The following ADGB variants were observed in gnomAD, a reference collection of about 807,000 sequenced individuals.
ADGB encodes the protein androglobin, also known as calpain-7-like protein.
ADGB carries 172 observed loss-of-function variants against 210.5 expected under a neutral mutation model. The ratio of observed to expected loss-of-function variants is 0.82; its 90% CI spans 0.72 to 0.93. The LOEUF is 0.93. Ranked by LOEUF, ADGB falls within the 40% of genes least tolerant of loss-of-function variation. The pLI, the probability that ADGB is intolerant of heterozygous loss-of-function variation, is 0.00. For synonymous variants in ADGB, 658 were observed against 662.7 expected (o/e 0.99, Z 0.11); for missense variants, 2,025 against 1,964.8 (o/e 1.03, Z -0.58).
At chr6:146,746,420 T>TG (rs1378533105) in intron 26 of ADGB, among the ~76,000 whole-genome samples, 1 of 152,172 alleles carries the variant, frequency 6.6e-6, no homozygotes, top group African/African-American at 2.4e-5. Flanking sequence ...TAGTATTTTG[T>TG]GGGGGTTTAA....
intron 28 of ADGB, among the ~76,000 whole-genome samples, chr6:146,766,618 CTCTAAGTCT>C (rs1262439227): frequency 6.6e-5 from 10 of 151,840 alleles, no homozygotes; most frequent in African/African-American, 2.4e-4. Flanking sequence ...ATTCAAAGTC[CTCTAAGTCT>C]TCCCTTTCCA....
rs1177957604 is a variant in ADGB at position 146,691,198 on chromosome 6, G to T, written c.1394G>T (p.Cys465Phe). Residue 465 changes from cysteine (C) to phenylalanine (F), a missense_variant, in exon 11 of 36, where the codon TGT becomes TTT. Transcript: ENST00000397944. ...HPVLVTRSRS[C>F]PLVAPPKPPP... is the part of the protein sequence containing the mutation. ...GTGCTGGTGACTAGAAGTAGGTCTT[G>T]TCCTCTGGTAGCACCACCAAAACCA... The T allele has an allele frequency of 3.2e-6, 5 of 1,549,332 alleles. No homozygotes were observed. In the South Asian group the frequency reaches 6.0e-5, roughly 18 times the overall value.
chr6:146,751,169 C>T (rs1042474364), intron 26 of ADGB, among the ~76,000 whole-genome samples: 1 of 138,576 alleles, frequency 7.2e-6, no homozygotes, highest in African/African-American at 2.7e-5. Flanking sequence ...AGTGTTGTTC[C>T]CCTCCCTGTG....
intron 13 of ADGB, 35 bp downstream of exon 13, chr6:146,701,105 T>A (rs748920548): frequency 7.1e-5 from 110 of 1,544,110 alleles, no homozygotes; most frequent in Non-Finnish European, 2.6e-6. Context: ...GCCCAACTCT[T>A]AATGAGACAA....
intron 23 of ADGB, among the ~76,000 whole-genome samples, chr6:146,739,606 C>A (rs1488676834): frequency 1.3e-5 from 2 of 152,036 alleles, no homozygotes; most frequent in East Asian, 3.9e-4. Context: ...CCATGAGGAC[C>A]ACCATGGCTT....
At chr6:146,772,565 G>A (rs1435990978) in intron 29 of ADGB, among the ~76,000 whole-genome samples, 1 of 146,630 alleles carries the variant, frequency 6.8e-6, no homozygotes, top group East Asian at 2.0e-4. Flanking sequence ...CTCTGATAGA[G>A]GGCTGTATTA....
At chr6:146,672,584 T>C (rs1776025213) in intron 8 of ADGB, 117 bp downstream of exon 8, 20 of 1,225,120 alleles carry the variant, frequency 1.6e-5, no homozygotes, top group Non-Finnish European at 2.2e-5. Flanking sequence ...AAGAGAGGGT[T>C]CTTGGATCTC....
intron 29 of ADGB, among the ~76,000 whole-genome samples, chr6:146,779,167 T>C (rs572187206): frequency 6.6e-6 from 1 of 151,760 alleles, no homozygotes; most frequent in Non-Finnish European, 1.5e-5. Context: ...CAAAGACTTA[T>C]CATTATTTGA....
At chr6:146,615,699 T>C (rs1780789241) in intron 1 of ADGB, among the ~76,000 whole-genome samples, 1 of 152,230 alleles carries the variant, frequency 6.6e-6, no homozygotes, top group Non-Finnish European at 1.5e-5. Context: ...TTTATCTTTC[T>C]GTGCGTGACT....
At chr6:146,644,257 C>G (rs189555855) in intron 2 of ADGB, among the ~76,000 whole-genome samples, 163 of 151,658 alleles carry the variant, frequency 1.1e-3, no homozygotes, top group African/African-American at 3.8e-3. Context: ...GTATATGAAT[C>G]TATAATTATC....
chr6:146,773,438 CA>C (rs999710666), intron 29 of ADGB, among the ~76,000 whole-genome samples: 2 of 152,008 alleles, frequency 1.3e-5, no homozygotes, highest in African/African-American at 4.8e-5. Context: ...CAATTTTAAT[CA>C]GGAAAAAATA....
At chr6:146,657,107 C>A in intron 5 of ADGB, 127 bp downstream of exon 5, 1 of 835,102 alleles carries the variant, frequency 1.2e-6, no homozygotes. Context: ...AGTGGATCAC[C>A]TGAGATCAGG....
At chr6:146,793,232 CGTTTTACAGAGCACTG>C (rs1777978303) in intron 33 of ADGB, among the ~76,000 whole-genome samples, 1 of 137,428 alleles carries the variant, frequency 7.3e-6, no homozygotes, top group African/African-American at 3.2e-5. Context: ...CTGATTGGTG[CGTTTTACAGAGCACTG>C]ATTGTTGTGT....
At chr6:146,748,803 C>T (rs1361043652) in intron 26 of ADGB, among the ~76,000 whole-genome samples, 2 of 152,120 alleles carry the variant, frequency 1.3e-5, no homozygotes, top group Admixed American at 1.3e-4. Flanking sequence ...TGGTCTCAAA[C>T]TCTTGGCCTC....
intron 13 of ADGB, among the ~76,000 whole-genome samples, chr6:146,712,206 A>G (rs993681345): frequency 2.0e-5 from 3 of 150,096 alleles, no homozygotes; most frequent in Non-Finnish European, 3.0e-5. Flanking sequence ...TTTGTTTGAG[A>G]CAGAGTCTCA....
intron 1 of ADGB, among the ~76,000 whole-genome samples, chr6:146,634,050 G>C (rs1377738393): frequency 6.6e-6 from 1 of 151,972 alleles, no homozygotes; most frequent in Admixed American, 6.6e-5. Context: ...GTACCATTCT[G>C]TTTTAACTTT....
At position 146,626,273 on chromosome 6, in the gene ADGB, G is replaced by A. The variant is rs141591176; in HGVS notation, c.75-9102G>A. ...TTATAAACCTCGTATTACATCATCC[G>A]TTTATGTAAGCAGTTAATTATATTA... On this transcript the variant is annotated intron_variant, in intron 1 of 35. Coordinates refer to ENST00000397944, the MANE Select transcript of ADGB (RefSeq NM_024694.4). Among the ~76,000 whole-genome samples the A allele has an allele frequency of 6.4e-3, 969 of 151,852 alleles. 7 individuals carry two copies. The highest frequency in any genetic ancestry group is 0.022 in the African/African-American group (906 of 41,434).
intron 12 of ADGB, among the ~76,000 whole-genome samples, chr6:146,694,779 T>G (rs142829077): frequency 2.0e-5 from 3 of 152,148 alleles, no homozygotes; most frequent in Non-Finnish European, 4.4e-5. Context: ...AAATACTGTG[T>G]AAGTTATTTT....
chr6:146,731,359 A>AC (rs1776984331), intron 20 of ADGB, among the ~76,000 whole-genome samples: 1 of 147,804 alleles, frequency 6.8e-6, no homozygotes, highest in African/African-American at 2.5e-5. Flanking sequence ...CCATATGACA[A>AC]AAAAAAAAAA....
Sources: gnomAD v4.1 joint callset for allele counts (sites outside exome capture counted in the v4.1 genomes callset) on GRCh38, gnomAD v4.1.1 for gene constraint, MANE v1.5 for transcripts, NCBI Gene and HGNC (gene_info 2026-07-23, HGNC 2026-07-21) for gene names.